The following MYO16 variants were observed in gnomAD, a reference collection of about 807,000 sequenced individuals.
The protein encoded by MYO16 is unconventional myosin-XVI.
In MYO16, 94 loss-of-function variants were observed where a neutral mutation model predicts 205.3. The observed-to-expected ratio is 0.46, with a 90% CI of 0.39 to 0.54. The LOEUF is 0.54. Ranked by LOEUF, MYO16 falls within the 20% of genes least tolerant of loss-of-function variation. The probability of loss-of-function intolerance (pLI) is 0.00; values close to 1 mark genes in which losing one functional copy is unlikely to be tolerated. For synonymous variants in MYO16, 988 were observed against 954.0 expected, an observed-to-expected ratio of 1.04 and a Z score of -0.66; for missense variants, 2,315 against 2,387.5, an observed-to-expected ratio of 0.97 and a Z score of 0.63.
At chr13:108,914,051 T>C (rs575659040) in intron 16 of MYO16, among the ~76,000 whole-genome samples, 1 of 152,018 alleles carries the variant, frequency 6.6e-6, no homozygotes, top group African/African-American at 2.4e-5. Context: ...ATTCTACATA[T>C]ATGTAGTATA....
Position 109,019,902 on chromosome 13 carries a change from C to T in MYO16, c.2787C>T (p.Tyr929=), listed in dbSNP as rs751174402. 3.4e-5 allele frequency: 55 copies of T among 1,613,880 alleles called. No individual in the cohort carries two copies. Among genetic ancestry groups the T allele is most frequent in the East Asian group, 1.1e-4 (5 of 44,882 alleles). The change falls in exon 23 of 35, where the codon TAC becomes TAT. Residue 929 remains tyrosine, a synonymous_variant. Coordinates refer to ENST00000457511, the MANE Select transcript of MYO16 (RefSeq NM_001198950.3). ...GTACAGCCTTCACCATCATGCACTA[C>T]GCAGGAAGGGTAAGTGGCCAGAACT... ...DHGTAFTIMH[Y]AGRVMYDVVG... is the part of the protein sequence containing the mutation.
chr13:108,565,132 T>C, the MYO16 span, among the ~76,000 whole-genome samples: 1 of 152,186 alleles, frequency 6.6e-6, no homozygotes, highest in African/African-American at 2.4e-5. Context: ...TTACCTATTC[T>C]CTATATTTTG....
chr13:108,497,754 C>T, the MYO16 span, among the ~76,000 whole-genome samples: 1 of 152,186 alleles, frequency 6.6e-6, no homozygotes, highest in Non-Finnish European at 1.5e-5. Flanking sequence ...CTCCACCCCC[C>T]TGGCCTGAGA....
chr13:108,547,288 A>G, the MYO16 span, among the ~76,000 whole-genome samples: 13 of 151,634 alleles, frequency 8.6e-5, no homozygotes, highest in Non-Finnish European at 1.5e-4. Context: ...AAAAAAAAAA[A>G]AGAAGGATAA....
At chr13:108,713,138 G>C (rs1372126236) in intron 3 of MYO16, among the ~76,000 whole-genome samples, 1 of 151,950 alleles carries the variant, frequency 6.6e-6, no homozygotes, top group African/African-American at 2.4e-5. Flanking sequence ...AACAAAGTAG[G>C]GGGTAAGTGA....
intron 16 of MYO16, among the ~76,000 whole-genome samples, chr13:108,949,923 C>T (rs368631354): frequency 2.0e-5 from 3 of 151,576 alleles, no homozygotes; most frequent in African/African-American, 4.8e-5. Flanking sequence ...ACAAAACAAT[C>T]GAGTGGAGGA....
intron 2 of MYO16, among the ~76,000 whole-genome samples, chr13:108,694,709 A>AG (rs778570432): frequency 5.8e-4 from 89 of 152,288 alleles, no homozygotes; most frequent in Middle Eastern, 3.4e-3. Context: ...TTTTTTAAAA[A>AG]GTTTTGATGA....
At chr13:108,855,608 A>G in intron 11 of MYO16, 55 bp downstream of exon 11, 1 of 1,240,724 alleles carries the variant, frequency 8.1e-7, no homozygotes, top group East Asian at 2.4e-5. Context: ...GCATATTTTT[A>G]TCACCCTTCA....
chr13:109,081,425 A>T (rs1348855747), intron 27 of MYO16, among the ~76,000 whole-genome samples: 1 of 152,194 alleles, frequency 6.6e-6, no homozygotes, highest in Non-Finnish European at 1.5e-5. Context: ...CATGTTGAGG[A>T]TACAAAGATG....
chr13:108,692,718 T>G (rs1218854202), intron 2 of MYO16, among the ~76,000 whole-genome samples: 2 of 152,094 alleles, frequency 1.3e-5, no homozygotes, highest in Non-Finnish European at 2.9e-5. Flanking sequence ...TGTCTGAGGG[T>G]TAAAAGAAAA....
At chr13:109,018,105 A>C (rs1885890070) in intron 22 of MYO16, among the ~76,000 whole-genome samples, 1 of 152,070 alleles carries the variant, frequency 6.6e-6, no homozygotes, top group South Asian at 2.1e-4. Context: ...TTGTGGTTTT[A>C]TCTACCTTTG....
intron 6 of MYO16, 72 bp downstream of exon 6, chr13:108,793,712 A>G (rs1886694909): frequency 7.0e-7 from 1 of 1,432,630 alleles, no homozygotes; most frequent in Non-Finnish European, 9.5e-7. Flanking sequence ...CATAGAATTC[A>G]TTAAATTAAC....
intron 11 of MYO16, among the ~76,000 whole-genome samples, chr13:108,861,926 G>A (rs1206337225): frequency 1.3e-5 from 2 of 152,038 alleles, no homozygotes; most frequent in Non-Finnish European, 2.9e-5. Flanking sequence ...TTTAAAAGAA[G>A]CAAAGTGTAC....
upstream of MYO16, among the ~76,000 whole-genome samples, chr13:108,592,145 T>C (rs976109839): frequency 6.7e-4 from 70 of 104,510 alleles, 1 homozygote; most frequent in African/African-American, 2.6e-3. Flanking sequence ...TGGAGGGCTG[T>C]GTGTGGAGTG....
chr13:108,516,619 A>G, the MYO16 span, among the ~76,000 whole-genome samples: 2 of 152,238 alleles, frequency 1.3e-5, no homozygotes, highest in African/African-American at 2.4e-5. Flanking sequence ...GTAAACATGT[A>G]TCAAGAAATA....
rs200553333 is a variant in MYO16 at position 108,682,787 on chromosome 13, G to A, written c.292+16638G>A. Among the ~76,000 whole-genome samples, 599 of 152,198 alleles carry A rather than the reference G, an allele frequency of 3.9e-3. 5 individuals carry two copies. Among genetic ancestry groups the A allele is most frequent in the African/African-American group, 0.013 (545 of 41,522 alleles). ...GTAAGATAGTGTCTGTTAAGAGGCC[G>A]TTTCGAGCTGCTGAAGTCTTGCTCT... On this transcript the variant is annotated intron_variant, in intron 2 of 34. Transcript: ENST00000457511.
rs201370459 is a variant in MYO16 at position 108,676,368 on chromosome 13, T to TAC, written c.292+10220_292+10221dup. On this transcript the variant is annotated intron_variant, in intron 2 of 34. Coordinates refer to ENST00000457511, the MANE Select transcript of MYO16 (RefSeq NM_001198950.3). ...TTTTCTGCTAATGTGTGATTATATG[T>TAC]ACGCGTGTGTGTGTGTGTGTGTGTG... Among the ~76,000 whole-genome samples the TAC allele has an allele frequency of 6.2e-3, 720 of 116,358 alleles. 7 individuals are homozygous for TAC. The highest frequency in any genetic ancestry group is 0.023 in the African/African-American group (688 of 29,650). 76.3% of individuals were successfully genotyped at this position (116,358 alleles called of 152,430 possible).
At chr13:108,544,464 T>C in the MYO16 span, among the ~76,000 whole-genome samples, 13 of 152,322 alleles carry the variant, frequency 8.5e-5, no homozygotes, top group African/African-American at 2.9e-4. Context: ...ATGCAGTGCA[T>C]TAATAATCAC....
intron 4 of MYO16, among the ~76,000 whole-genome samples, chr13:108,759,943 T>C (rs895605745): frequency 1.3e-5 from 2 of 152,210 alleles, no homozygotes; most frequent in Admixed American, 6.5e-5. Context: ...TATTGACATA[T>C]AGTAGTTCTT....
Sources: gnomAD v4.1 joint callset for allele counts (sites outside exome capture counted in the v4.1 genomes callset) on GRCh38, gnomAD v4.1.1 for gene constraint, MANE v1.5 for transcripts, NCBI Gene and HGNC (gene_info 2026-07-23, HGNC 2026-07-21) for gene names.